IQCH: variants seen among roughly 807,000 people sequenced by gnomAD.
The protein encoded by IQCH is IQ domain-containing protein H.
IQCH carries 98 observed loss-of-function variants against 117.0 expected under a neutral mutation model. The observed-to-expected ratio is 0.84, with a 90% CI of 0.71 to 0.99. The LOEUF is 0.99. IQCH is among the 50% of genes least tolerant of loss of function. The pLI, the probability that IQCH is intolerant of heterozygous loss-of-function variation, is 0.00. For synonymous variants in IQCH, 412 were observed against 448.2 expected (o/e 0.92, Z 1.02); for missense variants, 1,102 against 1,243.8 (o/e 0.89, Z 1.72).
intron 4 of IQCH, among the ~76,000 whole-genome samples, chr15:67,308,253 C>G (rs1338630784): frequency 2.0e-5 from 3 of 152,146 alleles, no homozygotes; most frequent in African/African-American, 7.2e-5. Flanking sequence ...GGTATTCACT[C>G]AAGTTCTGCA....
chr15:67,279,536 G>T, intron 4 of IQCH, 24 bp downstream of exon 4: 2 of 1,385,886 alleles, frequency 1.4e-6, no homozygotes, highest in South Asian at 1.2e-5. Flanking sequence ...AATTCATAGA[G>T]ACAGAAAGTA....
chr15:67,442,217 C>G (rs535428324), intron 16 of IQCH, among the ~76,000 whole-genome samples: 1 of 151,558 alleles, frequency 6.6e-6, no homozygotes, highest in Non-Finnish European at 1.5e-5. Context: ...TGGAGACCAG[C>G]CTGACCGACA....
intron 16 of IQCH, among the ~76,000 whole-genome samples, chr15:67,460,893 G>T (rs747535088): frequency 6.6e-6 from 1 of 152,078 alleles, no homozygotes; most frequent in Non-Finnish European, 1.5e-5. Context: ...AACCTGTCAA[G>T]CCAGTTATTA....
intron 4 of IQCH, among the ~76,000 whole-genome samples, chr15:67,301,401 GTTTTTTTTTTTTTT>G (rs10663973): frequency 4.0e-5 from 3 of 75,338 alleles, no homozygotes; most frequent in Admixed American, 2.0e-4. Flanking sequence ...GTTATGTTAA[GTTTTTTTTTTTTTT>G]TTTTTTTTTT....
rs2081903501 is a variant in IQCH, at chr15:67,426,811, CA to C, written c.2505+5241del. 6.6e-6 allele frequency among the ~76,000 whole-genome samples: 1 copy of C among 151,338 alleles called. No homozygotes were observed. The highest frequency in any genetic ancestry group is 1.5e-5 in the Non-Finnish European group (1 of 67,824). The stretch of plus-strand genomic sequence containing the variant: ...CAACATAGAAAGGTCCAGTCTCTAC[CA>C]AAAAAATTTTTAAAATAAACAAAAT... On this transcript the variant is annotated intron_variant, in intron 16 of 20. Transcript: ENST00000335894. This position sits in a 1 kb window ranked among gnomAD's most constrained non-coding sequence, Gnocchi z 5.1.
intron 2 of IQCH, 118 bp downstream of exon 2, chr15:67,261,512 GT>G: frequency 1.3e-6 from 1 of 756,020 alleles, no homozygotes; most frequent in Non-Finnish European, 2.1e-6. Context: ...ATTTAGGGCA[GT>G]CGTCAGCATT....
chr15:67,404,531 T>G lies in IQCH; in HGVS notation c.2097+4226T>G, dbSNP rs1971804458. 1 of 152,212 alleles carries G rather than the reference T, an allele frequency of 6.6e-6. No individual in the cohort carries two copies. The highest frequency in any genetic ancestry group is 1.5e-5 in the Non-Finnish European group (1 of 68,040). 9.4% of individuals were successfully genotyped at this position (152,212 alleles called of 1,614,324 possible). On this transcript the variant is annotated intron_variant, in intron 14 of 20. Transcript: ENST00000335894. This position sits in a 1 kb window ranked among gnomAD's most constrained non-coding sequence, Gnocchi z 4.6. ...TAAAGATAACAAGATTAAAAAAAAT[T>G]TAAAAGTACATAATCACTGTCCCCA...
rs1971654296 is a variant in IQCH, at chr15:67,401,416, T to G, written c.2097+1111T>G. 1.3e-5 allele frequency among the ~76,000 whole-genome samples: 2 copies of G among 152,224 alleles called. No homozygotes were observed. The highest frequency in any genetic ancestry group is 4.8e-5 in the African/African-American group (2 of 41,456). The stretch of plus-strand genomic sequence containing the variant: ...ACCTGCTGGTTAAAGCATAACCGAT[T>G]AGGAAAATCACAATGCAAATTCCCT... On this transcript the variant is annotated intron_variant, in intron 14 of 20. Coordinates refer to ENST00000335894, the MANE Select transcript of IQCH (RefSeq NM_001031715.3). This position sits in a 1 kb window ranked among gnomAD's most constrained non-coding sequence, Gnocchi z 4.7.
chr15:67,428,517 A>G (rs4423371), intron 16 of IQCH, among the ~76,000 whole-genome samples: 129,744 of 152,060 alleles, frequency 0.85, 55,420 homozygotes, highest in Middle Eastern at 0.89. Flanking sequence ...AGTAGCTTGC[A>G]TTATCCAGGT....
chr15:67,281,071 C>A (rs1003839360), intron 4 of IQCH, among the ~76,000 whole-genome samples: 8 of 152,056 alleles, frequency 5.3e-5, no homozygotes, highest in African/African-American at 1.4e-4. Context: ...GTCTTGAACT[C>A]CCGACCTCTT....
Position 67,479,101 on chromosome 15 carries a change from G to A in IQCH, c.2799+3283G>A, listed in dbSNP as rs1214416059. ...CATCCCTGGTCAGGACTCTTCACTT[G>A]CTGTCTTAATTGCCTTTTCTTGGAT... On this transcript the variant is annotated intron_variant, in intron 18 of 20. Transcript: ENST00000335894. This position sits in a 1 kb window ranked among gnomAD's most constrained non-coding sequence, Gnocchi z 4.6. Among the ~76,000 whole-genome samples, 1 of 152,150 alleles carries A rather than the reference G, an allele frequency of 6.6e-6. No individual in the cohort carries two copies. Among genetic ancestry groups the A allele is most frequent in the African/African-American group, 2.4e-5 (1 of 41,436 alleles).
At chr15:67,449,631 TGTA>T (rs2082471355) in intron 16 of IQCH, among the ~76,000 whole-genome samples, 1 of 152,222 alleles carries the variant, frequency 6.6e-6, no homozygotes, top group Non-Finnish European at 1.5e-5. Context: ...ACTGTAGCCT[TGTA>T]GTATAGTTTG....
intron 8 of IQCH, among the ~76,000 whole-genome samples, chr15:67,361,810 G>T (rs1163050332): frequency 6.6e-6 from 1 of 152,170 alleles, no homozygotes; most frequent in Non-Finnish European, 1.5e-5. Flanking sequence ...GTTTGTAATA[G>T]TTATTTCAAT....
At chr15:67,300,648 T>C (rs551384234) in intron 4 of IQCH, among the ~76,000 whole-genome samples, 1 of 152,318 alleles carries the variant, frequency 6.6e-6, no homozygotes, top group East Asian at 1.9e-4. Flanking sequence ...ACTTAGTAAA[T>C]AGCCTCTCTC....
chr15:67,359,527 C>T lies in IQCH; in HGVS notation c.715-320C>T, dbSNP rs1009588644. Among the ~76,000 whole-genome samples the T allele has an allele frequency of 6.6e-6, 1 of 152,236 alleles. No individual in the cohort carries two copies. Among genetic ancestry groups the T allele is most frequent in the Non-Finnish European group, 1.5e-5 (1 of 68,036 alleles). ...GATAGAGCCAGTACAGACCTTTGAT[C>T]AGACACCACCACAAAGCAGTGTGGT... is the stretch of plus-strand genomic sequence containing the variant. On this transcript the variant is annotated intron_variant, in intron 7 of 20. Transcript: ENST00000335894. This position sits in a 1 kb window ranked among gnomAD's most constrained non-coding sequence, Gnocchi z 4.5.
intron 18 of IQCH, among the ~76,000 whole-genome samples, chr15:67,483,547 C>T (rs1391097753): frequency 6.6e-6 from 1 of 152,160 alleles, no homozygotes; most frequent in Non-Finnish European, 1.5e-5. Flanking sequence ...AGAACAGAAG[C>T]ATCTAAGGTG....
intron 16 of IQCH, among the ~76,000 whole-genome samples, chr15:67,448,834 A>G (rs2082452198): frequency 6.6e-6 from 1 of 152,288 alleles, no homozygotes. Context: ...ACTAGTTTAC[A>G]GTCCCACCAA....
intron 4 of IQCH, chr15:67,281,544 A>G (rs1277708241): frequency 2.8e-6 from 1 of 354,468 alleles, no homozygotes; most frequent in African/African-American, 2.1e-5. Flanking sequence ...CCTTGTGTGT[A>G]GATGCAGCCT....
intron 4 of IQCH, among the ~76,000 whole-genome samples, chr15:67,283,483 A>T (rs917480599): frequency 1.3e-5 from 2 of 152,114 alleles, no homozygotes; most frequent in Admixed American, 1.3e-4. Flanking sequence ...TTTTATGTTT[A>T]TCAAATGGGA....
Sources: allele counts gnomAD v4.1 joint callset (sites outside exome capture counted in the v4.1 genomes callset), GRCh38; gene constraint gnomAD v4.1.1; non-coding constraint Gnocchi (gnomAD v3.1); transcripts MANE v1.5; gene names NCBI Gene and HGNC (gene_info 2026-07-23, HGNC 2026-07-21).